The following PTPRA variants were observed in gnomAD, a reference collection of about 807,000 sequenced individuals.
The protein encoded by PTPRA is receptor-type tyrosine-protein phosphatase alpha.
Under a neutral mutation model 104.8 loss-of-function variants are expected in PTPRA, and 25 were observed. That is an observed-to-expected ratio of 0.24 (90% CI 0.17 to 0.33). The LOEUF (loss-of-function observed/expected upper bound fraction) is 0.33. Ranked by LOEUF, PTPRA falls within the 10% of genes least tolerant of loss-of-function variation. The pLI, the probability that PTPRA is intolerant of heterozygous loss-of-function variation, is 1.00. For synonymous variants in PTPRA, 323 were observed against 368.9 expected, an observed-to-expected ratio of 0.88 and a Z score of 1.43; for missense variants, 765 against 1,015.3, an observed-to-expected ratio of 0.75 and a Z score of 3.35.
intron 11 of PTPRA, among the ~76,000 whole-genome samples, chr20:3,015,549 G>A (rs1053110247): frequency 1.3e-5 from 2 of 151,968 alleles, no homozygotes; most frequent in Non-Finnish European, 2.9e-5. Flanking sequence ...TAGATGATCC[G>A]CCCACCTTGG....
intron 10 of PTPRA, 122 bp downstream of exon 10, chr20:3,005,268 G>A: frequency 1.1e-6 from 1 of 938,274 alleles, no homozygotes; most frequent in Non-Finnish European, 1.7e-6. Flanking sequence ...TGCGTTCATG[G>A]CAGTACTCAG....
chr20:2,989,920 G>A (rs1178833186), intron 9 of PTPRA, among the ~76,000 whole-genome samples: 13 of 152,192 alleles, frequency 8.5e-5, no homozygotes, highest in Non-Finnish European at 1.3e-4. Context: ...TGGAGGCTGA[G>A]GCAGGAGAAT....
chr20:2,988,992 G>T (rs1049738098), intron 9 of PTPRA, among the ~76,000 whole-genome samples: 2 of 152,244 alleles, frequency 1.3e-5, no homozygotes, highest in African/African-American at 4.8e-5. Context: ...GGATAGATCA[G>T]TGTGGGAAAT....
At chr20:2,945,107 A>G (rs1195526368) in intron 2 of PTPRA, among the ~76,000 whole-genome samples, 1 of 152,004 alleles carries the variant, frequency 6.6e-6, no homozygotes, top group Non-Finnish European at 1.5e-5. Context: ...CCTATTTACC[A>G]GCTCACTAAT....
the PTPRA span, among the ~76,000 whole-genome samples, chr20:2,868,239 C>A: frequency 1.2e-4 from 18 of 151,098 alleles, no homozygotes; most frequent in Non-Finnish European, 2.2e-4. Context: ...GGTGTCACAT[C>A]TGCTAGAGTA....
At chr20:2,980,752 A>C (rs770465438) in intron 6 of PTPRA, among the ~76,000 whole-genome samples, 7 of 152,134 alleles carry the variant, frequency 4.6e-5, no homozygotes, top group Non-Finnish European at 8.8e-5. Flanking sequence ...CACAAATTGC[A>C]GTATATTTTG....
intron 19 of PTPRA, 116 bp downstream of exon 19, chr20:3,027,313 T>A: frequency 1.8e-6 from 2 of 1,089,076 alleles, no homozygotes; most frequent in Non-Finnish European, 2.8e-6. Context: ...AGTCAACAAA[T>A]AGTGAATTGA....
chr20:3,000,852 A>T (rs2063594042), intron 9 of PTPRA, among the ~76,000 whole-genome samples: 1 of 152,230 alleles, frequency 6.6e-6, no homozygotes, highest in African/African-American at 2.4e-5. Context: ...AGATACAAAT[A>T]AAGGAATGTA....
intron 1 of PTPRA, among the ~76,000 whole-genome samples, chr20:2,910,187 GAT>G (rs1173690779): frequency 4.4e-5 from 4 of 91,426 alleles, no homozygotes; most frequent in South Asian, 6.8e-4. Context: ...TAGTATATAT[GAT>G]ATATGATATA....
At chr20:2,922,493 C>T (rs1257788333) in intron 1 of PTPRA, among the ~76,000 whole-genome samples, 1 of 152,102 alleles carries the variant, frequency 6.6e-6, no homozygotes, top group African/African-American at 2.4e-5. Context: ...ACACCCACCA[C>T]CGTGCCTGGC....
chr20:2,912,241 T>C lies in PTPRA; in HGVS notation c.-128-10966T>C, dbSNP rs951490748. ...CAGCCTGGGTGACAGAGTAAGACCCTATCTCAAAAAACAAATTTTGAAAAT... is the reference window on the plus strand; with the variant it reads ...CAGCCTGGGTGACAGAGTAAGACCCCATCTCAAAAAACAAATTTTGAAAAT... On this transcript the variant is annotated intron_variant, in intron 1 of 23. Transcript: ENST00000399903. 5.3e-5 allele frequency among the ~76,000 whole-genome samples: 8 copies of C among 151,854 alleles called. No individual in the cohort carries two copies. The East Asian group carries it at 1.6e-3, about 29-fold the overall frequency.
chr20:2,916,910 C>T (rs919534818), intron 1 of PTPRA, among the ~76,000 whole-genome samples: 12 of 151,332 alleles, frequency 7.9e-5, no homozygotes, highest in South Asian at 4.2e-4. Flanking sequence ...TTTGGCCATT[C>T]GGAGTCCCTT....
intron 1 of PTPRA, among the ~76,000 whole-genome samples, chr20:2,918,607 T>G (rs926135312): frequency 1.3e-5 from 2 of 152,188 alleles, no homozygotes; most frequent in Non-Finnish European, 2.9e-5. Context: ...CTCTTCCCAT[T>G]TGTTGTATTC....
the PTPRA span, chr20:2,865,513 C>G: frequency 6.2e-7 from 1 of 1,608,272 alleles, no homozygotes; most frequent in Non-Finnish European, 8.5e-7. This position sits in a 1 kb window ranked among gnomAD's most constrained non-coding sequence, Gnocchi z 5.2. Context: ...AGGGTCCTCC[C>G]TCCAGCCCAC....
intron 5 of PTPRA, among the ~76,000 whole-genome samples, chr20:2,974,250 G>A (rs750707017): frequency 1.4e-4 from 21 of 151,694 alleles, no homozygotes; most frequent in South Asian, 6.2e-4. Context: ...CACCGCGCCC[G>A]GCCGTCTGTT....
In PTPRA at chr20:2,988,087, G is replaced by A. The variant is rs2062984144; in HGVS notation, c.583G>A (p.Gly195Ser). 6.3e-7 allele frequency: 1 copy of A among 1,587,888 alleles called. No individual in the cohort carries two copies. The highest frequency in any genetic ancestry group is 8.6e-7 in the Non-Finnish European group (1 of 1,156,208). The change falls in exon 8 of 24, where the codon GGC becomes AGC. Residue 195 changes from glycine to serine, a missense_variant. Physicochemically the swap from Gly to Ser is moderately conservative, Grantham distance 56. Transcript: ENST00000399903. ...SHSNSFRLSN[G>S]RTEDVEPQSV... The stretch of plus-strand genomic sequence containing the variant: ...TTCCAATTCTTTCCGCTTATCCAAC[G>A]GCCGCACTGAGGATGTGGGTAAGGC...
intron 20 of PTPRA, among the ~76,000 whole-genome samples, chr20:3,034,655 C>T (rs1434296999): frequency 6.6e-6 from 1 of 151,824 alleles, no homozygotes; most frequent in Non-Finnish European, 1.5e-5. Flanking sequence ...AAGCACTAGT[C>T]CAGGGCATGT....
chr20:3,027,846 G>C lies in PTPRA; in HGVS notation c.1920+5G>C. On this transcript the variant is annotated splice_donor_5th_base_variant and intron_variant, in intron 20 of 23. Transcript: ENST00000399903. ...GAACTGGAGGAGAGAGGCCAGGTGA[G>C]TTCAAAAGGTCCTGGGTGGTGAGAG... The C allele has an allele frequency of 6.2e-7, 1 of 1,613,826 alleles. No homozygotes were observed. Among genetic ancestry groups the C allele is most frequent in the Non-Finnish European group, 8.5e-7 (1 of 1,179,872 alleles).
intron 1 of PTPRA, among the ~76,000 whole-genome samples, chr20:2,897,893 T>A (rs1432123622): frequency 2.0e-5 from 3 of 150,336 alleles, no homozygotes; most frequent in Admixed American, 6.6e-5. Context: ...CCTTTTTCCA[T>A]GTCCTCATCA....
Sources: gnomAD v4.1 joint callset for allele counts (sites outside exome capture counted in the v4.1 genomes callset) on GRCh38, gnomAD v4.1.1 for gene constraint, Gnocchi (gnomAD v3.1) non-coding constraint, MANE v1.5 for transcripts, NCBI Gene and HGNC (gene_info 2026-07-23, HGNC 2026-07-21) for gene names.